SIPA1L3: variants seen among roughly 807,000 people sequenced by gnomAD.
SIPA1L3 encodes the protein signal induced proliferation associated 1 like 3.
SIPA1L3 carries 59 observed loss-of-function variants against 150.1 expected under a neutral mutation model. The observed-to-expected ratio is 0.39, with a 90% CI of 0.32 to 0.49. The LOEUF (loss-of-function observed/expected upper bound fraction) is 0.49, where lower values mean the gene tolerates loss of function less well. Among genes scored for constraint, SIPA1L3 ranks in the 20% least tolerant of loss-of-function variants. The pLI is 0.86. For synonymous variants in SIPA1L3, 1,070 were observed against 1,077.6 expected (o/e 0.99, Z 0.14); for missense variants, 2,211 against 2,489.5 (o/e 0.89, Z 2.38).
chr19:38,152,830 T>C lies in SIPA1L3; in HGVS notation c.3534-10T>C. On this transcript the variant is annotated splice_polypyrimidine_tract_variant and intron_variant, in intron 12 of 21. Coordinates refer to ENST00000222345, the MANE Select transcript of SIPA1L3 (RefSeq NM_015073.3). ...TTTAACCCTGGGCACGTTCTTCTCA[T>C]CCCCTGCAGGTACACGGCTGCCCCA... is the stretch of plus-strand genomic sequence containing the variant. 6.2e-7 allele frequency: 1 copy of C among 1,604,084 alleles called. No homozygotes were observed. Among genetic ancestry groups the C allele is most frequent in the Non-Finnish European group, 8.5e-7 (1 of 1,174,198 alleles).
rs1969993436 is a variant in SIPA1L3 at position 38,081,921 on chromosome 19, G to C, written c.356G>C (p.Ser119Thr). 1 of 1,614,054 alleles carries C rather than the reference G, an allele frequency of 6.2e-7. No individual in the cohort carries two copies. Among genetic ancestry groups the C allele is most frequent in the South Asian group, 1.1e-5 (1 of 91,092 alleles). Reference sequence around the variant, plus strand: ...ACCAAGATGGCCCATTCCATGAGGAGCATACAGAACGGACAGCCCCCCACC... The same window carrying C: ...ACCAAGATGGCCCATTCCATGAGGACCATACAGAACGGACAGCCCCCCACC... ...KATKMAHSMRSIQNGQPPTST... is the reference protein window; with the variant it reads ...KATKMAHSMRTIQNGQPPTST... Residue 119 changes from serine (S) to threonine (T), a missense_variant, in exon 3 of 22, where the codon AGC becomes ACC. Around this residue, in one of 5 missense-constraint regions of SIPA1L3, gnomAD observed 130 missense variants for 174.5 expected, o/e 0.74. Transcript: ENST00000222345.
intron 7 of SIPA1L3, among the ~76,000 whole-genome samples, chr19:38,107,438 T>A (rs1191436035): frequency 1.3e-5 from 2 of 152,086 alleles, no homozygotes; most frequent in African/African-American, 4.8e-5. Flanking sequence ...GGATACCAGG[T>A]GGGCAGCGCC....
At chr19:38,116,664 A>G (rs1172403400) in intron 8 of SIPA1L3, among the ~76,000 whole-genome samples, 1 of 151,598 alleles carries the variant, frequency 6.6e-6, no homozygotes, top group African/African-American at 2.4e-5. Context: ...CCTGGCCAAC[A>G]TAGTGAAACC....
intron 2 of SIPA1L3, among the ~76,000 whole-genome samples, chr19:38,068,715 G>T (rs1365219140): frequency 2.0e-5 from 3 of 152,108 alleles, no homozygotes; most frequent in Admixed American, 6.5e-5. Flanking sequence ...AAATTAGCCG[G>T]TTGTGGTGGC....
At chr19:38,042,943 G>A (rs1045567720) in intron 2 of SIPA1L3, among the ~76,000 whole-genome samples, 2 of 152,126 alleles carry the variant, frequency 1.3e-5, no homozygotes, top group Non-Finnish European at 1.5e-5. Flanking sequence ...CTATGACCAT[G>A]GCCAAAGCAC....
At chr19:37,954,448 G>A (rs1352701628) in intron 1 of SIPA1L3, among the ~76,000 whole-genome samples, 2 of 152,094 alleles carry the variant, frequency 1.3e-5, no homozygotes, top group Non-Finnish European at 1.5e-5. Context: ...CCTCTCGGTC[G>A]TGCTCCTTGG....
At chr19:38,095,868 C>T (rs1046253004) in intron 4 of SIPA1L3, among the ~76,000 whole-genome samples, 2 of 152,130 alleles carry the variant, frequency 1.3e-5, no homozygotes, top group African/African-American at 2.4e-5. Context: ...ATTTCTGGTC[C>T]GTGCTGTCCC....
chr19:38,128,086 G>A (rs995148195), intron 9 of SIPA1L3, among the ~76,000 whole-genome samples: 1 of 112,600 alleles, frequency 8.9e-6, no homozygotes, highest in African/African-American at 3.5e-5. Flanking sequence ...AGACAGTCTC[G>A]CTCTGTCGCC....
At chr19:38,201,797 T>C in intron 19 of SIPA1L3, 65 bp from the exon 20 acceptor site, 1 of 1,525,192 alleles carries the variant, frequency 6.6e-7, no homozygotes. Flanking sequence ...AGAGGCGTGG[T>C]CCGTCTGTTG....
intron 1 of SIPA1L3, among the ~76,000 whole-genome samples, chr19:37,955,837 G>A (rs2046805733): frequency 6.6e-6 from 1 of 152,226 alleles, no homozygotes; most frequent in Admixed American, 6.5e-5. Context: ...TCCAGTTTGG[G>A]CTAGTATGAG....
chr19:37,996,659 C>T (rs567271049), intron 1 of SIPA1L3, among the ~76,000 whole-genome samples: 1 of 152,198 alleles, frequency 6.6e-6, no homozygotes, highest in Admixed American at 6.5e-5. Flanking sequence ...CTTTGACCAA[C>T]ATCTCCACAA....
intron 18 of SIPA1L3, among the ~76,000 whole-genome samples, chr19:38,195,095 G>A (rs1234930015): frequency 6.6e-6 from 1 of 151,562 alleles, no homozygotes; most frequent in Non-Finnish European, 1.5e-5. Context: ...CTTGGCATTT[G>A]CATCTGCACT....
At chr19:38,178,328 C>A (rs1383793367) in intron 15 of SIPA1L3, among the ~76,000 whole-genome samples, 2 of 151,822 alleles carry the variant, frequency 1.3e-5, no homozygotes, top group African/African-American at 4.8e-5. Context: ...CATAGCAAGA[C>A]CCCGTCCCTA....
At chr19:38,187,868 G>T (rs1972721985) in intron 16 of SIPA1L3, among the ~76,000 whole-genome samples, 2 of 151,616 alleles carry the variant, frequency 1.3e-5, no homozygotes, top group South Asian at 2.1e-4. Context: ...ATGATGGCAG[G>T]TGCCTGTAGT....
intron 4 of SIPA1L3, 152 bp downstream of exon 4, chr19:38,089,003 A>C (rs533439229): frequency 1.2e-6 from 1 of 804,016 alleles, no homozygotes; most frequent in African/African-American, 1.7e-5. Context: ...CATCTCACAG[A>C]GGAAGAAACT....
intron 1 of SIPA1L3, among the ~76,000 whole-genome samples, chr19:38,021,189 G>A (rs947337878): frequency 3.3e-5 from 5 of 152,140 alleles, no homozygotes; most frequent in African/African-American, 1.2e-4. Flanking sequence ...CGTGGCCCCC[G>A]GCTGCAGCAG....
At chr19:38,039,491 C>T (rs1599940593) in intron 2 of SIPA1L3, among the ~76,000 whole-genome samples, 3 of 151,546 alleles carry the variant, frequency 2.0e-5, no homozygotes, top group South Asian at 2.1e-4. Flanking sequence ...GCCAGAAGTT[C>T]GAGACCAGCC....
intron 6 of SIPA1L3, among the ~76,000 whole-genome samples, chr19:38,101,726 G>A (rs1266207763): frequency 6.6e-6 from 1 of 152,004 alleles, no homozygotes; most frequent in Non-Finnish European, 1.5e-5. Flanking sequence ...CAGCCACTTT[G>A]GAAAACAGTA....
intron 1 of SIPA1L3, among the ~76,000 whole-genome samples, chr19:37,970,649 T>A (rs1966911387): frequency 6.6e-6 from 1 of 152,146 alleles, no homozygotes; most frequent in African/African-American, 2.4e-5. Flanking sequence ...TGAACCCTCC[T>A]CTCCTGCAGG....
Sources: allele counts gnomAD v4.1 joint callset (sites outside exome capture counted in the v4.1 genomes callset), GRCh38; gene constraint gnomAD v4.1.1; regional missense constraint gnomAD v4.1.1; transcripts MANE v1.5; gene names NCBI Gene and HGNC (gene_info 2026-07-23, HGNC 2026-07-21).